KIAA1328: variants seen among roughly 807,000 people sequenced by gnomAD.
KIAA1328 encodes the protein KIAA1328.
KIAA1328 carries 52 observed loss-of-function variants against 68.1 expected under a neutral mutation model. The ratio of observed to expected loss-of-function variants is 0.76; its 90% CI spans 0.61 to 0.96. KIAA1328 has a LOEUF of 0.96. Ranked by LOEUF, KIAA1328 falls within the 40% of genes least tolerant of loss-of-function variation. KIAA1328 has a pLI of 0.00. For missense variants in KIAA1328, 641 were observed against 677.6 expected (o/e 0.95, Z 0.60); for synonymous variants, 232 against 239.4 (o/e 0.97, Z 0.28).
chr18:37,076,310 A>C (rs977368344), intron 7 of KIAA1328, among the ~76,000 whole-genome samples: 5 of 152,302 alleles, frequency 3.3e-5, no homozygotes, highest in African/African-American at 9.6e-5. Flanking sequence ...AACATACCAG[A>C]ATCTCTGGGA....
At chr18:36,863,004 C>CA (rs1189445141) in intron 4 of KIAA1328, among the ~76,000 whole-genome samples, 1 of 151,984 alleles carries the variant, frequency 6.6e-6, no homozygotes, top group African/African-American at 2.4e-5. Context: ...TTTCTTATTG[C>CA]AATTTTTTTG....
intron 4 of KIAA1328, among the ~76,000 whole-genome samples, chr18:36,846,565 A>G (rs1421559020): frequency 6.6e-6 from 1 of 151,500 alleles, no homozygotes; most frequent in Non-Finnish European, 1.5e-5. Flanking sequence ...CCTATTCATG[A>G]TATACAGCAT....
At chr18:36,861,225 C>T (rs561318519) in intron 4 of KIAA1328, among the ~76,000 whole-genome samples, 270 of 151,838 alleles carry the variant, frequency 1.8e-3, no homozygotes, top group Middle Eastern at 3.4e-3. Context: ...GTAGTATTTC[C>T]TTTCATTTGT....
chr18:36,934,143 G>A (rs1010076195), intron 5 of KIAA1328, among the ~76,000 whole-genome samples: 15 of 152,064 alleles, frequency 9.9e-5, no homozygotes, highest in African/African-American at 2.7e-4. Context: ...TTCACTCACC[G>A]CTTAGGAGCC....
In KIAA1328 at chr18:37,199,316, T is replaced by G. The variant is rs118175009; in HGVS notation, c.1524-22701T>G. On this transcript the variant is annotated intron_variant, in intron 9 of 9. Transcript: ENST00000280020. The stretch of plus-strand genomic sequence containing the variant: ...CTCTATGTGTCCATGTGTTACCGTT[T>G]AGCTCCCACTTACAAGTGAGAACAT... 3.5e-3 allele frequency among the ~76,000 whole-genome samples: 535 copies of G among 152,272 alleles called. 2 individuals are homozygous for G. The highest frequency in any genetic ancestry group is 5.9e-3 in the Non-Finnish European group (400 of 68,020).
intron 7 of KIAA1328, among the ~76,000 whole-genome samples, chr18:37,079,932 TC>T (rs966519993): frequency 1.6e-4 from 25 of 152,122 alleles, no homozygotes; most frequent in Admixed American, 1.2e-3. Flanking sequence ...TTTCTAATTT[TC>T]TTCCAATTTC....
intron 5 of KIAA1328, among the ~76,000 whole-genome samples, chr18:36,912,950 AC>A (rs1204172570): frequency 2.6e-5 from 4 of 152,172 alleles, no homozygotes; most frequent in Non-Finnish European, 4.4e-5. Flanking sequence ...AAATGGAGTT[AC>A]CTGTTTTAGT....
At chr18:37,167,857 T>C (rs2059421824) in intron 8 of KIAA1328, among the ~76,000 whole-genome samples, 1 of 152,164 alleles carries the variant, frequency 6.6e-6, no homozygotes, top group African/African-American at 2.4e-5. Context: ...CCTGCCCTTT[T>C]CATCCCTGCA....
At position 37,225,287 on chromosome 18, in the gene KIAA1328, C is replaced by T. The variant is rs796551269; in HGVS notation, c.*3060C>T. ...TTGAATATGAGCAAATGTTTATGTA[C>T]GTATGAGATTTCAAGTTAATAAATC... On this transcript the variant is annotated 3_prime_UTR_variant, in exon 10 of 10. Coordinates refer to ENST00000280020, the MANE Select transcript of KIAA1328 (RefSeq NM_020776.3). 34 of 985,362 alleles carry T rather than the reference C, an allele frequency of 3.5e-5. No homozygotes were observed. In the African/African-American group the frequency reaches 5.1e-4, roughly 15 times the overall value. 61.0% of individuals were successfully genotyped at this position (985,362 alleles called of 1,614,324 possible). A position where few individuals can be genotyped will look rare whatever the true frequency, so the allele number is the denominator to read the frequency against.
chr18:36,927,368 A>G (rs1241502092), intron 5 of KIAA1328, among the ~76,000 whole-genome samples: 3 of 152,352 alleles, frequency 2.0e-5, no homozygotes, highest in Non-Finnish European at 4.4e-5. Context: ...GCACTATGGC[A>G]TAATTGTTAC....
At chr18:36,950,432 G>A (rs2051111536) in intron 5 of KIAA1328, among the ~76,000 whole-genome samples, 2 of 152,024 alleles carry the variant, frequency 1.3e-5, no homozygotes, top group African/African-American at 2.4e-5. Context: ...TGCCTGCTGT[G>A]TGCTGAAGAG....
intron 6 of KIAA1328, among the ~76,000 whole-genome samples, chr18:36,969,914 T>C (rs1331794623): frequency 6.6e-6 from 1 of 152,152 alleles, no homozygotes; most frequent in Non-Finnish European, 1.5e-5. Context: ...CTCACACTAT[T>C]CTGAACAACA....
At chr18:37,077,307 A>C (rs1448720408) in intron 7 of KIAA1328, among the ~76,000 whole-genome samples, 1 of 134,436 alleles carries the variant, frequency 7.4e-6, no homozygotes, top group South Asian at 2.1e-4. Flanking sequence ...AAAACTCAAT[A>C]AATTAGGTAT....
At chr18:37,173,419 AT>A (rs1223478940) in intron 9 of KIAA1328, among the ~76,000 whole-genome samples, 1 of 152,254 alleles carries the variant, frequency 6.6e-6, no homozygotes, top group African/African-American at 2.4e-5. Flanking sequence ...AGCTGAAATC[AT>A]TGCTATTGAA....
Position 36,929,871 on chromosome 18 carries a change from G to A in KIAA1328, c.449-29437G>A, listed in dbSNP as rs79747834. The stretch of plus-strand genomic sequence containing the variant: ...AATGTCTGTTGTTTGTAAGCCACCC[G>A]GGTCTATGGTAGTTTGTTGTAGCAG... On this transcript the variant is annotated intron_variant, in intron 5 of 9. Coordinates refer to ENST00000280020, the MANE Select transcript of KIAA1328 (RefSeq NM_020776.3). Among the ~76,000 whole-genome samples the A allele has an allele frequency of 9.2e-5, 14 of 152,198 alleles. No individual in the cohort carries two copies. In the East Asian group the frequency reaches 2.5e-3, roughly 27 times the overall value.
intron 4 of KIAA1328, among the ~76,000 whole-genome samples, chr18:36,870,060 C>A (rs1432519832): frequency 6.6e-6 from 1 of 152,048 alleles, no homozygotes; most frequent in Admixed American, 6.6e-5. Context: ...GACGGGGTTT[C>A]ACCATGTTGA....
intron 4 of KIAA1328, among the ~76,000 whole-genome samples, chr18:36,881,184 T>C (rs946060916): frequency 5.3e-5 from 8 of 151,716 alleles, no homozygotes; most frequent in Admixed American, 2.6e-4. Context: ...TAATCAAATA[T>C]CTGATCAGCT....
intron 6 of KIAA1328, among the ~76,000 whole-genome samples, chr18:37,047,143 T>A (rs1163477321): frequency 6.6e-6 from 1 of 152,162 alleles, no homozygotes; most frequent in East Asian, 1.9e-4. Context: ...CTGCCTAGTC[T>A]CCTGAATCTC....
intron 7 of KIAA1328, among the ~76,000 whole-genome samples, chr18:37,156,018 C>T (rs2059143763): frequency 6.6e-6 from 1 of 152,146 alleles, no homozygotes; most frequent in Non-Finnish European, 1.5e-5. Flanking sequence ...ACTCTCATAA[C>T]ATCCAGTATA....
Sources: allele counts gnomAD v4.1 joint callset (sites outside exome capture counted in the v4.1 genomes callset), GRCh38; gene constraint gnomAD v4.1.1; transcripts MANE v1.5; gene names NCBI Gene and HGNC (gene_info 2026-07-23, HGNC 2026-07-21).